SHROOM3: variants seen among roughly 807,000 people sequenced by gnomAD.
SHROOM3 encodes shroom family member 3, also known as protein Shroom3.
A neutral mutation model predicts 138.6 loss-of-function variants in SHROOM3; 47 were observed. The ratio of observed to expected loss-of-function variants is 0.34; its 90% CI spans 0.27 to 0.43. The LOEUF (loss-of-function observed/expected upper bound fraction) is 0.43, where lower values mean the gene tolerates loss of function less well. Ranked by LOEUF, SHROOM3 falls within the 20% of genes least tolerant of loss-of-function variation. SHROOM3 has a pLI of 1.00. For missense variants in SHROOM3, 2,491 were observed against 2,596.5 expected, an observed-to-expected ratio of 0.96 and a Z score of 0.88; for synonymous variants, 1,062 against 1,063.3, an observed-to-expected ratio of 1.00 and a Z score of 0.02.
In SHROOM3 at chr4:76,738,743, G is replaced by A. The variant is rs755193779; in HGVS notation, c.588-18G>A. On this transcript the variant is annotated intron_variant, in intron 4 of 10. Transcript: ENST00000296043. ...TGATAACAGCTCAGTGGTACTGACT[G>A]CTTTGTCTTTCTTCCAGCTCCTCTA... 3.7e-6 allele frequency: 6 copies of A among 1,613,902 alleles called. No individual in the cohort carries two copies. The highest frequency in any genetic ancestry group is 5.1e-6 in the Non-Finnish European group (6 of 1,179,966).
chr4:76,720,151 G>GTTTTTTTTTTTTTTTTTTTTTTTTTT (rs59839066), intron 3 of SHROOM3, among the ~76,000 whole-genome samples: 1 of 82,998 alleles, frequency 1.2e-5, no homozygotes, highest in Non-Finnish European at 2.2e-5. Flanking sequence ...TGTTTTTTAG[G>GTTTTTTTTTTTTTTTTTTTTTTTTTT]TTTTTTTTTT....
At chr4:76,742,154 C>CT (rs1721284400) in intron 5 of SHROOM3, 1 of 473,044 alleles carries the variant, frequency 2.1e-6, no homozygotes, top group African/African-American at 2.8e-5. Context: ...TACAGATTCT[C>CT]TATCTATCTG....
intron 1 of SHROOM3, among the ~76,000 whole-genome samples, chr4:76,525,166 G>T (rs778013495): frequency 1.3e-5 from 2 of 152,182 alleles, no homozygotes; most frequent in Non-Finnish European, 2.9e-5. Flanking sequence ...AAGGAAAGAG[G>T]TTTAATTGAC....
At chr4:76,763,541 A>G (rs1471256577) in intron 9 of SHROOM3, among the ~76,000 whole-genome samples, 1 of 152,140 alleles carries the variant, frequency 6.6e-6, no homozygotes, top group Non-Finnish European at 1.5e-5. Flanking sequence ...ATCCAGCCTG[A>G]GTGACAGAGT....
At chr4:76,520,334 A>T (rs1243221724) in intron 1 of SHROOM3, among the ~76,000 whole-genome samples, 1 of 152,076 alleles carries the variant, frequency 6.6e-6, no homozygotes, top group Non-Finnish European at 1.5e-5. Context: ...CTTTATTTTC[A>T]CCAACTGTTG....
intron 2 of SHROOM3, among the ~76,000 whole-genome samples, chr4:76,610,433 T>C (rs1734737647): frequency 6.6e-6 from 1 of 152,216 alleles, no homozygotes; most frequent in Non-Finnish European, 1.5e-5. Context: ...GGTTTGAAGA[T>C]TATATTGAAA....
chr4:76,732,603 G>A (rs1720920117), intron 4 of SHROOM3, among the ~76,000 whole-genome samples: 1 of 152,230 alleles, frequency 6.6e-6, no homozygotes, highest in Non-Finnish European at 1.5e-5. Context: ...TTCTCAGAGA[G>A]CAGGTTTCCT....
chr4:76,474,333 G>A (rs1731439223), intron 1 of SHROOM3, among the ~76,000 whole-genome samples: 1 of 152,122 alleles, frequency 6.6e-6, no homozygotes, highest in Admixed American at 6.5e-5. Flanking sequence ...TAATTTTAGT[G>A]TAATAAAAAA....
At chr4:76,638,436 G>A (rs115360990) in intron 2 of SHROOM3, among the ~76,000 whole-genome samples, 3,063 of 152,188 alleles carry the variant, frequency 0.02, 107 homozygotes, top group African/African-American at 0.067. Context: ...TGTAGTTCTA[G>A]CTACTCAGGA....
chr4:76,614,561 C>T (rs911921334), intron 2 of SHROOM3, among the ~76,000 whole-genome samples: 2 of 151,998 alleles, frequency 1.3e-5, no homozygotes, highest in Non-Finnish European at 2.9e-5. Context: ...CCATGGTGGT[C>T]TGCTGCACCC....
intron 2 of SHROOM3, among the ~76,000 whole-genome samples, chr4:76,584,960 T>G (rs1025253787): frequency 7.2e-5 from 11 of 152,190 alleles, no homozygotes; most frequent in African/African-American, 2.7e-4. Context: ...CTATCCCACA[T>G]TTGCCTCAAT....
chr4:76,719,268 G>A (rs1720468325), intron 3 of SHROOM3, among the ~76,000 whole-genome samples: 1 of 152,198 alleles, frequency 6.6e-6, no homozygotes, highest in Non-Finnish European at 1.5e-5. Context: ...TTTCTCCTAA[G>A]TTTTAGCAAC....
intron 2 of SHROOM3, among the ~76,000 whole-genome samples, chr4:76,662,766 G>A (rs1577959430): frequency 6.6e-6 from 1 of 152,098 alleles, no homozygotes; most frequent in African/African-American, 2.4e-5. Flanking sequence ...CCTGTGGTTC[G>A]AGCTACTTGA....
At chr4:76,525,700 T>C (rs1732675503) in intron 1 of SHROOM3, among the ~76,000 whole-genome samples, 1 of 152,210 alleles carries the variant, frequency 6.6e-6, no homozygotes, top group Non-Finnish European at 1.5e-5. Flanking sequence ...AGCCTTTTAG[T>C]AACATTCTTA....
Position 76,590,052 on chromosome 4 carries a change from CCTGAGCAGTTCTCT to C in SHROOM3, c.323+34293_323+34306del, listed in dbSNP as rs1734232625. 2.6e-5 allele frequency among the ~76,000 whole-genome samples: 4 copies of C among 152,270 alleles called. No homozygotes were observed. In the South Asian group the frequency reaches 8.3e-4, roughly 32 times the overall value. ...GAAATCAGGGATCCTTAAACCTTTC[CCTGAGCAGTTCTCT>C]CTGGGCACTAAAATGCTTCAGGCCA... is the stretch of plus-strand genomic sequence containing the variant. On this transcript the variant is annotated intron_variant, in intron 2 of 10. Coordinates refer to ENST00000296043, the MANE Select transcript of SHROOM3 (RefSeq NM_020859.4).
At chr4:76,760,719 A>G (rs1226998563) in intron 9 of SHROOM3, among the ~76,000 whole-genome samples, 2 of 152,192 alleles carry the variant, frequency 1.3e-5, no homozygotes, top group African/African-American at 4.8e-5. Context: ...CTGCTAGCCC[A>G]AAGTTTTCCT....
intron 5 of SHROOM3, among the ~76,000 whole-genome samples, chr4:76,748,184 A>G (rs1471605977): frequency 6.6e-6 from 1 of 152,170 alleles, no homozygotes; most frequent in Non-Finnish European, 1.5e-5. Flanking sequence ...CAACCACTAA[A>G]CAAAAACAAT....
chr4:76,754,247 C>G, intron 6 of SHROOM3, 64 bp from the exon 7 acceptor site: 1 of 1,593,918 alleles, frequency 6.3e-7, no homozygotes, highest in East Asian at 2.2e-5. Flanking sequence ...ATGTAAGGAG[C>G]ATTGGGCTGC....
At chr4:76,518,571 CTGCT>C (rs71659329) in intron 1 of SHROOM3, among the ~76,000 whole-genome samples, 22,729 of 149,192 alleles carry the variant, frequency 0.15, 1,875 homozygotes, top group Middle Eastern at 0.24. Flanking sequence ...TCCTTCTTGC[CTGCT>C]TGCCTGCCTG....
Sources: allele counts gnomAD v4.1 joint callset (sites outside exome capture counted in the v4.1 genomes callset), GRCh38; gene constraint gnomAD v4.1.1; transcripts MANE v1.5; gene names NCBI Gene and HGNC (gene_info 2026-07-23, HGNC 2026-07-21).